Variants in RGS17 observed in about 807,000 individuals in gnomAD.
The protein encoded by RGS17 is regulator of G-protein signaling 17.
A neutral mutation model predicts 25.5 loss-of-function variants in RGS17; 12 were observed. That is an observed-to-expected ratio of 0.47 (90% CI 0.30 to 0.76). RGS17 has a LOEUF of 0.76. Among genes scored for constraint, RGS17 ranks in the 30% least tolerant of loss-of-function variants. The pLI is 0.07. For synonymous variants in RGS17, 71 were observed against 76.9 expected (o/e 0.92, Z 0.40); for missense variants, 196 against 242.2 (o/e 0.81, Z 1.27).
Position 153,005,092 on chromosome 6 carries a change from A to G in RGS17, c.*6482T>C, listed in dbSNP as rs1779060406. On this transcript the variant is annotated 3_prime_UTR_variant, in exon 5 of 5. Coordinates refer to ENST00000206262, the MANE Select transcript of RGS17 (RefSeq NM_012419.5). ...AAAGCTAGCGGGAAATAGGTCTTTT[A>G]CATTATTTCAATATTCAGTGTTCAT... 6.6e-6 allele frequency: 1 copy of G among 152,248 alleles called. No homozygotes were observed. The highest frequency in any genetic ancestry group is 2.1e-4 in the South Asian group (1 of 4,836). The allele number at this position is 152,248 out of a possible 1,614,324, so 9.4% of individuals were successfully genotyped here.
intron 4 of RGS17, among the ~76,000 whole-genome samples, chr6:153,013,212 T>C (rs950589115): frequency 1.3e-5 from 2 of 152,260 alleles, no homozygotes; most frequent in African/African-American, 4.8e-5. Flanking sequence ...CCATAATATT[T>C]CACAATTTTC....
intron 2 of RGS17, among the ~76,000 whole-genome samples, chr6:153,039,404 C>T (rs1776293035): frequency 6.6e-6 from 1 of 152,080 alleles, no homozygotes; most frequent in Non-Finnish European, 1.5e-5. Context: ...CAAGCTGGAG[C>T]CAGGGCTGTG....
chr6:153,020,100 T>TAA (rs57320874), intron 4 of RGS17, among the ~76,000 whole-genome samples: 1,969 of 44,926 alleles, frequency 0.044, 73 homozygotes, highest in Middle Eastern at 0.083. Context: ...GCAAATATCT[T>TAA]AAAAAAAAAA....
At chr6:153,061,136 A>G (rs1297721576) in intron 1 of RGS17, among the ~76,000 whole-genome samples, 1 of 152,206 alleles carries the variant, frequency 6.6e-6, no homozygotes, top group African/African-American at 2.4e-5. Context: ...ATGCTTTTAA[A>G]AATCCAATTT....
intron 2 of RGS17, among the ~76,000 whole-genome samples, chr6:153,034,223 C>CCTTGAGAA (rs1256632866): frequency 6.6e-6 from 1 of 152,124 alleles, no homozygotes; most frequent in African/African-American, 2.4e-5. Context: ...AGAACAGACA[C>CCTTGAGAA]CATGGAAGAC....
Position 153,070,673 on chromosome 6 carries a change from T to TTGTGTGTGTGTGTGTG in RGS17, c.-25-26646_-25-26631dup, listed in dbSNP as rs55655703. On this transcript the variant is annotated intron_variant, in intron 1 of 4. Coordinates refer to ENST00000206262, the MANE Select transcript of RGS17 (RefSeq NM_012419.5). ...CCATCCCTCAGTACCACATGGAAGA[T>TTGTGTGTGTGTGTGTG]TGTGTGTGTGTGTGTGTGTGTGTGT... Among the ~76,000 whole-genome samples, 302 of 145,058 alleles carry TTGTGTGTGTGTGTGTG rather than the reference T, an allele frequency of 2.1e-3. 1 individual carries two copies. Among genetic ancestry groups the TTGTGTGTGTGTGTGTG allele is most frequent in the East Asian group, 5.0e-3 (22 of 4,420 alleles).
At chr6:153,110,949 G>C (rs976824159) in intron 1 of RGS17, among the ~76,000 whole-genome samples, 4 of 152,316 alleles carry the variant, frequency 2.6e-5, no homozygotes, top group South Asian at 2.1e-4. Flanking sequence ...CCGCAGACCA[G>C]GAGATTCCCT....
Position 153,008,871 on chromosome 6 carries a change from C to T in RGS17, c.*2703G>A, listed in dbSNP as rs1329953589. 1.3e-5 allele frequency: 2 copies of T among 152,112 alleles called. No homozygotes were observed. The highest frequency in any genetic ancestry group is 2.9e-5 in the Non-Finnish European group (2 of 67,986). The allele number at this position is 152,112 out of a possible 1,614,324, so 9.4% of individuals were successfully genotyped here. A position where few individuals can be genotyped will look rare whatever the true frequency, so the allele number is the denominator to read the frequency against. On this transcript the variant is annotated 3_prime_UTR_variant, in exon 5 of 5. Coordinates refer to ENST00000206262, the MANE Select transcript of RGS17 (RefSeq NM_012419.5). The stretch of plus-strand genomic sequence containing the variant: ...GTAACTTAAACAGAAGGAATTATAT[C>T]ATACTTAGAAAATTAGTAGAGTTGC...
chr6:153,087,555 A>G (rs762306842), intron 1 of RGS17, among the ~76,000 whole-genome samples: 1 of 152,234 alleles, frequency 6.6e-6, no homozygotes, highest in Non-Finnish European at 1.5e-5. Context: ...TTGCAATCTA[A>G]TGAAGAACTT....
At chr6:153,020,117 T>TATATATATATATATATA (rs1779228156) in intron 4 of RGS17, among the ~76,000 whole-genome samples, 1 of 78,084 alleles carries the variant, frequency 1.3e-5, no homozygotes, top group East Asian at 4.3e-4. Context: ...AAAAAATATA[T>TATATATATATATATATA]ATATATATAT....
In RGS17 at chr6:153,032,574, GAAA is replaced by G. The variant is rs10531899; in HGVS notation, c.120-6034_120-6032del. Among the ~76,000 whole-genome samples, 204 of 145,008 alleles carry G rather than the reference GAAA, an allele frequency of 1.4e-3. 2 individuals are homozygous for G. The East Asian group carries it at 0.021, about 15-fold the overall frequency. On this transcript the variant is annotated intron_variant, in intron 2 of 4. Coordinates refer to ENST00000206262, the MANE Select transcript of RGS17 (RefSeq NM_012419.5). ...TTTCTGCGGGTAAATACCCTTATTT[GAAA>G]AAAAAAAAAAAAGTCTATTCATTCT...
intron 1 of RGS17, among the ~76,000 whole-genome samples, chr6:153,100,766 G>T (rs960521161): frequency 2.0e-5 from 3 of 152,042 alleles, no homozygotes; most frequent in Admixed American, 6.6e-5. Flanking sequence ...GCTTTCCCCA[G>T]ACATCATGAA....
At chr6:153,062,797 A>G (rs1776656976) in intron 1 of RGS17, among the ~76,000 whole-genome samples, 1 of 152,090 alleles carries the variant, frequency 6.6e-6, no homozygotes, top group African/African-American at 2.4e-5. Flanking sequence ...CTTGGATACC[A>G]GCTCAGCCAA....
At chr6:153,054,077 T>TATAC (rs1562321619) in intron 1 of RGS17, among the ~76,000 whole-genome samples, 2 of 50,940 alleles carry the variant, frequency 3.9e-5, no homozygotes, top group South Asian at 9.5e-4. Context: ...CATATATATA[T>TATAC]ACACACAATA....
intron 1 of RGS17, among the ~76,000 whole-genome samples, chr6:153,065,386 A>G (rs953337533): frequency 1.3e-5 from 2 of 152,226 alleles, no homozygotes; most frequent in African/African-American, 2.4e-5. Context: ...TCAGCATTGG[A>G]TAAGTCTTCC....
chr6:153,019,968 C>T (rs1308633995), intron 4 of RGS17, among the ~76,000 whole-genome samples: 1 of 150,772 alleles, frequency 6.6e-6, no homozygotes, highest in African/African-American at 2.4e-5. Context: ...TTGAAGACAT[C>T]ACTTTTAAAA....
rs1779090057 is a variant in RGS17 at position 153,007,595 on chromosome 6, ATTATTAT to A, written c.*3972_*3978del. On this transcript the variant is annotated 3_prime_UTR_variant, in exon 5 of 5. Coordinates refer to ENST00000206262, the MANE Select transcript of RGS17 (RefSeq NM_012419.5). The stretch of plus-strand genomic sequence containing the variant: ...AAGACTTAAAAATATTATTATTATA[ATTATTAT>A]TATTATTTTGAGATGGAGTCACTCT... 1 of 151,384 alleles carries A rather than the reference ATTATTAT, an allele frequency of 6.6e-6. No individual in the cohort carries two copies. Among genetic ancestry groups the A allele is most frequent in the Non-Finnish European group, 1.5e-5 (1 of 67,848 alleles). 9.4% of individuals were successfully genotyped at this position (151,384 alleles called of 1,614,324 possible).
chr6:153,095,196 C>T (rs745712928), intron 1 of RGS17, among the ~76,000 whole-genome samples: 51 of 151,962 alleles, frequency 3.4e-4, no homozygotes, highest in East Asian at 1.2e-3. Flanking sequence ...TATTTCTCAG[C>T]GAATCATTGA....
At chr6:153,071,344 T>C (rs1243746580) in intron 1 of RGS17, among the ~76,000 whole-genome samples, 1 of 152,024 alleles carries the variant, frequency 6.6e-6, no homozygotes, top group East Asian at 1.9e-4. Context: ...GAGTAGGTAC[T>C]TGGCTCTCAT....
Sources: gnomAD v4.1 joint callset for allele counts (sites outside exome capture counted in the v4.1 genomes callset) on GRCh38, gnomAD v4.1.1 for gene constraint, MANE v1.5 for transcripts, NCBI Gene and HGNC (gene_info 2026-07-23, HGNC 2026-07-21) for gene names.